BLNK: variants seen among roughly 807,000 people sequenced by gnomAD.
The protein encoded by BLNK is B-cell linker protein.
A neutral mutation model predicts 73.5 loss-of-function variants in BLNK; 29 were observed. The observed-to-expected ratio is 0.39, with a 90% CI of 0.29 to 0.54. BLNK has a LOEUF of 0.54. Among genes scored for constraint, BLNK ranks in the 20% least tolerant of loss-of-function variants. BLNK has a pLI of 0.61. For missense variants in BLNK, 460 were observed against 562.8 expected (o/e 0.82, Z 1.85); for synonymous variants, 176 against 200.8 (o/e 0.88, Z 1.04).
At chr10:96,204,449 G>C (rs2083741914) in intron 12 of BLNK, 83 bp downstream of exon 12, 2 of 1,395,216 alleles carry the variant, frequency 1.4e-6, no homozygotes, top group Non-Finnish European at 2.0e-6. Context: ...CTGCAAGTCA[G>C]TGTCACTGTG....
chr10:96,256,687 C>G (rs1290338885), intron 1 of BLNK, among the ~76,000 whole-genome samples: 1 of 152,010 alleles, frequency 6.6e-6, no homozygotes, highest in Non-Finnish European at 1.5e-5. Context: ...TCAAGACCAG[C>G]CTGGCCAACA....
chr10:96,191,862 T>G lies in BLNK; in HGVS notation c.*111A>C. The G allele has an allele frequency of 6.9e-7, 1 of 1,441,962 alleles. No homozygotes were observed. The highest frequency in any genetic ancestry group is 9.7e-7 in the Non-Finnish European group (1 of 1,032,486). 89.3% of individuals were successfully genotyped at this position (1,441,962 alleles called of 1,614,324 possible). ...TCAATAGCTGACTCCATCTTCCATT[T>G]TATTACTGGATGATTCATAATCCAA... is the stretch of plus-strand genomic sequence containing the variant. On this transcript the variant is annotated 3_prime_UTR_variant, in exon 17 of 17. Coordinates refer to ENST00000224337, the MANE Select transcript of BLNK (RefSeq NM_013314.4).
chr10:96,221,088 A>G (rs2084186918), intron 6 of BLNK, among the ~76,000 whole-genome samples: 2 of 152,230 alleles, frequency 1.3e-5, no homozygotes, highest in South Asian at 4.1e-4. Context: ...CCCTCTAAAT[A>G]TATTCCCTCT....
intron 6 of BLNK, among the ~76,000 whole-genome samples, chr10:96,219,099 C>A (rs587679714): frequency 6.6e-6 from 1 of 152,356 alleles, no homozygotes; most frequent in African/African-American, 2.4e-5. Flanking sequence ...ACCTGGTCCT[C>A]ATCTCTGCTT....
At chr10:96,222,122 C>A (rs782486134) in intron 6 of BLNK, among the ~76,000 whole-genome samples, 1 of 152,192 alleles carries the variant, frequency 6.6e-6, no homozygotes, top group Non-Finnish European at 1.5e-5. Flanking sequence ...GTATTTAGTG[C>A]TGTACATATG....
intron 10 of BLNK, 108 bp downstream of exon 10, chr10:96,207,764 A>G: frequency 7.4e-7 from 1 of 1,347,198 alleles, no homozygotes; most frequent in Non-Finnish European, 1.1e-6. Flanking sequence ...TTCAGTTGCT[A>G]AGATTGCTGT....
chr10:96,206,626 A>G (rs1350192152), intron 11 of BLNK, among the ~76,000 whole-genome samples: 1 of 151,930 alleles, frequency 6.6e-6, no homozygotes, highest in Non-Finnish European at 1.5e-5. Context: ...TGAAAACATT[A>G]TCTTGAAAAC....
chr10:96,270,774 C>T (rs887265522), intron 1 of BLNK, among the ~76,000 whole-genome samples: 7 of 152,290 alleles, frequency 4.6e-5, no homozygotes, highest in Middle Eastern at 3.4e-3. Context: ...CCTTGACTCA[C>T]GCCCATGGGG....
At chr10:96,236,630 T>C (rs782795565) in intron 3 of BLNK, among the ~76,000 whole-genome samples, 2 of 152,230 alleles carry the variant, frequency 1.3e-5, no homozygotes, top group Non-Finnish European at 2.9e-5. Context: ...GAGAACACCC[T>C]GGACAACATA....
intron 3 of BLNK, among the ~76,000 whole-genome samples, chr10:96,239,846 G>T (rs1158392916): frequency 6.6e-6 from 1 of 152,106 alleles, no homozygotes; most frequent in Non-Finnish European, 1.5e-5. Flanking sequence ...AGGCAGACAG[G>T]TGAGTGTGAG....
chr10:96,191,970 C>G lies in BLNK; in HGVS notation c.*3G>C. 2.5e-6 allele frequency: 4 copies of G among 1,613,210 alleles called. No homozygotes were observed. Among genetic ancestry groups the G allele is most frequent in the Non-Finnish European group, 3.4e-6 (4 of 1,179,536 alleles). Reference sequence around the variant, plus strand: ...CAATGGTATTGATCTTTTTTTTCCCCCTTTATGAAACTTTAACTGCATACT... The same window carrying G: ...CAATGGTATTGATCTTTTTTTTCCCGCTTTATGAAACTTTAACTGCATACT... On this transcript the variant is annotated 3_prime_UTR_variant, in exon 17 of 17. Coordinates refer to ENST00000224337, the MANE Select transcript of BLNK (RefSeq NM_013314.4).
At chr10:96,262,773 A>G (rs964563055) in intron 1 of BLNK, among the ~76,000 whole-genome samples, 42 of 152,344 alleles carry the variant, frequency 2.8e-4, no homozygotes, top group African/African-American at 9.9e-4. Flanking sequence ...CCTGGAACAC[A>G]CAATTGTCTG....
intron 1 of BLNK, among the ~76,000 whole-genome samples, chr10:96,263,234 A>G (rs1037743657): frequency 1.3e-5 from 2 of 152,206 alleles, no homozygotes; most frequent in Non-Finnish European, 2.9e-5. Context: ...ACAAGCTCCG[A>G]GCACAGGACC....
rs188647403 is a variant in BLNK at position 96,269,976 on chromosome 10, C to T, written c.47+1376G>A. Among the ~76,000 whole-genome samples the T allele has an allele frequency of 1.1e-4, 16 of 152,312 alleles. No individual in the cohort carries two copies. In the East Asian group the frequency reaches 2.5e-3, roughly 24 times the overall value. The stretch of plus-strand genomic sequence containing the variant: ...AGCCTACCTCTTAAAAGTATCTTCT[C>T]TATGAAACCTCCTCCTGCTACTCTA... On this transcript the variant is annotated intron_variant, in intron 1 of 16. Coordinates refer to ENST00000224337, the MANE Select transcript of BLNK (RefSeq NM_013314.4).
At chr10:96,252,212 G>A (rs571573090) in intron 1 of BLNK, among the ~76,000 whole-genome samples, 2 of 151,726 alleles carry the variant, frequency 1.3e-5, no homozygotes, top group Non-Finnish European at 1.5e-5. Context: ...CCACCATGCC[G>A]GGCTAATTTT....
intron 1 of BLNK, among the ~76,000 whole-genome samples, chr10:96,248,584 T>G: frequency 6.6e-6 from 1 of 151,332 alleles, no homozygotes; most frequent in East Asian, 1.9e-4. Context: ...CTGCTAAGAA[T>G]TTGTCTTATG....
chr10:96,218,405 A>G (rs1187572277), intron 6 of BLNK, among the ~76,000 whole-genome samples: 1 of 152,154 alleles, frequency 6.6e-6, no homozygotes, highest in African/African-American at 2.4e-5. Flanking sequence ...AAAGTGGTAG[A>G]CCCAGAAGGG....
rs192745641 is a variant in BLNK at position 96,240,461 on chromosome 10, T to A, written c.163+2274A>T. Among the ~76,000 whole-genome samples the A allele has an allele frequency of 1.1e-3, 174 of 152,332 alleles. 1 individual carries two copies. Among genetic ancestry groups the A allele is most frequent in the Non-Finnish European group, 2.2e-3 (151 of 68,030 alleles). ...TATTTTAAGAGATGGGATCTCGCTA[T>A]ATTGACCAAGCTGGTCTTAAACTCC... On this transcript the variant is annotated intron_variant, in intron 3 of 16. Coordinates refer to ENST00000224337, the MANE Select transcript of BLNK (RefSeq NM_013314.4).
chr10:96,222,040 A>AT (rs763570644), intron 6 of BLNK, among the ~76,000 whole-genome samples: 2 of 152,200 alleles, frequency 1.3e-5, no homozygotes, highest in Non-Finnish European at 1.5e-5. Context: ...AGAAAACTGG[A>AT]TTTTGTCAAG....
Sources: allele counts gnomAD v4.1 joint callset (sites outside exome capture counted in the v4.1 genomes callset), GRCh38; gene constraint gnomAD v4.1.1; transcripts MANE v1.5; gene names NCBI Gene and HGNC (gene_info 2026-07-23, HGNC 2026-07-21).